Variants in OSBP2 observed in about 807,000 individuals in gnomAD.
OSBP2 encodes the protein oxysterol binding protein 2, also known as oxysterol-binding protein 2.
A neutral mutation model predicts 96.0 loss-of-function variants in OSBP2; 66 were observed. The observed-to-expected ratio is 0.69, with a 90% CI of 0.56 to 0.84. The LOEUF (loss-of-function observed/expected upper bound fraction) is 0.84. OSBP2 is among the 40% of genes least tolerant of loss of function. OSBP2 has a pLI of 0.00. For synonymous variants in OSBP2, 525 were observed against 520.9 expected (o/e 1.01, Z -0.11); for missense variants, 1,038 against 1,222.7 (o/e 0.85, Z 2.25).
intron 1 of OSBP2, among the ~76,000 whole-genome samples, chr22:30,737,148 T>TG (rs2089868188): frequency 6.6e-6 from 1 of 152,092 alleles, no homozygotes; most frequent in Admixed American, 6.6e-5. Context: ...CCTAAGTGGC[T>TG]GGGATTACAG....
At chr22:30,867,595 G>C (rs1482771913) in intron 2 of OSBP2, among the ~76,000 whole-genome samples, 1 of 152,196 alleles carries the variant, frequency 6.6e-6, no homozygotes, top group Non-Finnish European at 1.5e-5. Flanking sequence ...GGTAATCATT[G>C]GCCCAAGTGC....
At chr22:30,893,601 C>A (rs779637272) in intron 10 of OSBP2, 35 bp downstream of exon 10, 2 of 1,612,902 alleles carry the variant, frequency 1.2e-6, no homozygotes, top group South Asian at 2.2e-5. Context: ...GTGCATGGCC[C>A]GGGGGCTGGC....
chr22:30,709,246 A>T (rs1207916810), intron 1 of OSBP2, among the ~76,000 whole-genome samples: 1 of 151,706 alleles, frequency 6.6e-6, no homozygotes, highest in Non-Finnish European at 1.5e-5. Context: ...AATGTCATAA[A>T]TTTTTTTTTG....
chr22:30,850,165 G>T (rs926199287), intron 2 of OSBP2, among the ~76,000 whole-genome samples: 2 of 151,990 alleles, frequency 1.3e-5, no homozygotes, highest in African/African-American at 4.8e-5. Context: ...AATTAGCCGG[G>T]CATGGTGCTG....
rs564148154 is a variant in OSBP2 at position 30,764,935 on chromosome 22, C to A, written c.853+23566C>A. 2.0e-5 allele frequency among the ~76,000 whole-genome samples: 3 copies of A among 152,280 alleles called. No homozygotes were observed. In the East Asian group the frequency reaches 5.8e-4, roughly 29 times the overall value. ...ATAACTTCTCTCTTACTTTGAGGGA[C>A]ATGAAGTCTTCCTGGGGGAGCATGT... On this transcript the variant is annotated intron_variant, in intron 2 of 13. Transcript: ENST00000332585.
At chr22:30,893,588 G>T (rs377063301) in intron 10 of OSBP2, 22 bp downstream of exon 10, 10 of 1,613,022 alleles carry the variant, frequency 6.2e-6, no homozygotes, top group African/African-American at 1.3e-5. Flanking sequence ...CCTTGGGGAG[G>T]GGGTGCATGG....
chr22:30,826,875 G>T (rs2038416191), intron 2 of OSBP2, among the ~76,000 whole-genome samples: 1 of 152,194 alleles, frequency 6.6e-6, no homozygotes, highest in South Asian at 2.1e-4. Flanking sequence ...CCTGACTCAG[G>T]CTGGAGTCTT....
At chr22:30,699,544 G>T (rs2089123315) in intron 1 of OSBP2, among the ~76,000 whole-genome samples, 1 of 152,158 alleles carries the variant, frequency 6.6e-6, no homozygotes, top group African/African-American at 2.4e-5. Context: ...AGATTCTGTG[G>T]ATCCTTATCC....
intron 3 of OSBP2, among the ~76,000 whole-genome samples, chr22:30,876,703 G>A (rs959247455): frequency 6.6e-6 from 1 of 152,212 alleles, no homozygotes; most frequent in East Asian, 1.9e-4. Flanking sequence ...GAGCCAGGAT[G>A]GGAAAGGGGA....
chr22:30,893,237 C>G lies in OSBP2; in HGVS notation c.1985C>G (p.Pro662Arg). 6.2e-7 allele frequency: 1 copy of G among 1,614,046 alleles called. No individual in the cohort carries two copies. The highest frequency in any genetic ancestry group is 8.5e-7 in the Non-Finnish European group (1 of 1,179,966). Reference sequence around the variant, plus strand: ...CGGGGAAAATACATCTCCATCATGCCGCTAGGTGAGCTGGGGCCCGGTGCC... The same window carrying G: ...CGGGGAAAATACATCTCCATCATGCGGCTAGGTGAGCTGGGGCCCGGTGCC... ...KFRGKYISIM[P>R]LGAIHLEFQA... is the part of the protein sequence containing the mutation. Residue 662 changes from proline to arginine, a missense_variant, in exon 9 of 14, where the codon CCG (proline) becomes CGG (arginine). Coordinates refer to ENST00000332585, the MANE Select transcript of OSBP2 (RefSeq NM_030758.4).
intron 12 of OSBP2, among the ~76,000 whole-genome samples, chr22:30,900,364 A>G (rs1485727498): frequency 3.3e-5 from 5 of 152,210 alleles, no homozygotes; most frequent in Non-Finnish European, 1.5e-5. Flanking sequence ...GAGATACCAA[A>G]GAAGAGCTAA....
chr22:30,819,020 C>T (rs2091116152), intron 2 of OSBP2, among the ~76,000 whole-genome samples: 1 of 152,144 alleles, frequency 6.6e-6, no homozygotes, highest in Admixed American at 6.5e-5. Flanking sequence ...GGGCTGGAGG[C>T]CCAAACCTAG....
chr22:30,843,131 T>C (rs1259648055), intron 2 of OSBP2, among the ~76,000 whole-genome samples: 1 of 152,174 alleles, frequency 6.6e-6, no homozygotes, highest in Non-Finnish European at 1.5e-5. Flanking sequence ...CTGATTCTCT[T>C]GCTATTTCTA....
At chr22:30,720,230 A>G (rs2089526326) in intron 1 of OSBP2, among the ~76,000 whole-genome samples, 1 of 152,200 alleles carries the variant, frequency 6.6e-6, no homozygotes, top group Non-Finnish European at 1.5e-5. Flanking sequence ...TAAGACAACA[A>G]TAAGCATTAT....
At chr22:30,878,318 C>T (rs949931908) in intron 3 of OSBP2, among the ~76,000 whole-genome samples, 7 of 152,232 alleles carry the variant, frequency 4.6e-5, no homozygotes, top group Admixed American at 2.6e-4. Flanking sequence ...GGCAAGTGCT[C>T]GGAGACCCTT....
intron 12 of OSBP2, among the ~76,000 whole-genome samples, chr22:30,900,429 G>A (rs1445211732): frequency 6.6e-6 from 1 of 152,206 alleles, no homozygotes; most frequent in East Asian, 1.9e-4. Context: ...AAGATGTCAT[G>A]ATTTAAAAAG....
Position 30,695,556 on chromosome 22 carries a change from A to G in OSBP2, c.644+3A>G. 2 of 1,601,896 alleles carry G rather than the reference A, an allele frequency of 1.2e-6. No homozygotes were observed. The highest frequency in any genetic ancestry group is 2.2e-5 in the South Asian group (2 of 90,832). On this transcript the variant is annotated splice_donor_region_variant and intron_variant, in intron 1 of 13. Coordinates refer to ENST00000332585, the MANE Select transcript of OSBP2 (RefSeq NM_030758.4). ...AATGGTTTGCTCTCTTACTACAGGT[A>G]TGGAAGCGCCAGGGTGGGACATGGG... is the stretch of plus-strand genomic sequence containing the variant.
Position 30,871,605 on chromosome 22 carries a change from G to GT in OSBP2, c.1107+924dup, listed in dbSNP as rs1162694436. ...GGTCCAGAGAAGGGGGTTCAGGAGA[G>GT]TCATCGTGCTGGCTGGGGACAGTGG... On this transcript the variant is annotated intron_variant, in intron 3 of 13. Transcript: ENST00000332585. This position sits in a 1 kb window ranked among gnomAD's most constrained non-coding sequence, Gnocchi z 4.7. 1.2e-4 allele frequency among the ~76,000 whole-genome samples: 18 copies of GT among 152,322 alleles called. No individual in the cohort carries two copies. In the South Asian group the frequency reaches 3.5e-3, roughly 30 times the overall value.
Position 30,776,115 on chromosome 22 carries a change from C to CT in OSBP2, c.853+34760dup, listed in dbSNP as rs66689098. On this transcript the variant is annotated intron_variant, in intron 2 of 13. Coordinates refer to ENST00000332585, the MANE Select transcript of OSBP2 (RefSeq NM_030758.4). ...CCAGACTCATTTTTCTTTTTCTTTT[C>CT]TTTTTTTTTTTTTTATTTTTCTTTT... Among the ~76,000 whole-genome samples, 403 of 139,538 alleles carry CT rather than the reference C, an allele frequency of 2.9e-3. 1 individual carries two copies. Among genetic ancestry groups the CT allele is most frequent in the Non-Finnish European group, 4.2e-3 (267 of 64,234 alleles). The allele number at this position is 139,538 out of a possible 152,430, so 91.5% of individuals were successfully genotyped here.
Sources: allele counts gnomAD v4.1 joint callset (sites outside exome capture counted in the v4.1 genomes callset), GRCh38; gene constraint gnomAD v4.1.1; non-coding constraint Gnocchi (gnomAD v3.1); transcripts MANE v1.5; gene names NCBI Gene and HGNC (gene_info 2026-07-23, HGNC 2026-07-21).